The following SFI1 variants were observed in gnomAD, a reference collection of about 807,000 sequenced individuals.
The protein encoded by SFI1 is SFI1 centrin binding protein.
In SFI1, 195 loss-of-function variants were observed where a neutral mutation model predicts 207.5. The ratio of observed to expected loss-of-function variants is 0.94; its 90% CI spans 0.84 to 1.06. The LOEUF (loss-of-function observed/expected upper bound fraction) is 1.06. Ranked by LOEUF, SFI1 falls within the 50% of genes least tolerant of loss-of-function variation. The probability of loss-of-function intolerance (pLI) is 0.00; values close to 1 mark genes in which losing one functional copy is unlikely to be tolerated. For synonymous variants in SFI1, 630 were observed against 598.9 expected (o/e 1.05, Z -0.76); for missense variants, 1,634 against 1,588.0 (o/e 1.03, Z -0.49).
intron 3 of SFI1, among the ~76,000 whole-genome samples, chr22:31,530,203 A>AAAAAAAAAAAAAAAAT (rs1569227870): frequency 7.8e-6 from 1 of 127,740 alleles, no homozygotes; most frequent in African/African-American, 3.0e-5. Context: ...AAAAAAAAAA[A>AAAAAAAAAAAAAAAAT]GACAAGGCCG....
intron 21 of SFI1, 79 bp from the exon 22 acceptor site, chr22:31,607,858 A>C: frequency 7.7e-7 from 1 of 1,302,646 alleles, no homozygotes; most frequent in Non-Finnish European, 1.1e-6. Flanking sequence ...CCTCTCCAGG[A>C]GCCACCGTCA....
intron 8 of SFI1, among the ~76,000 whole-genome samples, chr22:31,565,560 G>T (rs939966784): frequency 6.6e-6 from 1 of 151,522 alleles, no homozygotes; most frequent in East Asian, 1.9e-4. Flanking sequence ...TTAGCTAGAC[G>T]TGGTGGCGCA....
chr22:31,533,762 TTAAA>T, intron 4 of SFI1, among the ~76,000 whole-genome samples: 1 of 152,324 alleles, frequency 6.6e-6, no homozygotes, highest in African/African-American at 2.4e-5. Flanking sequence ...CTTCAGTGCC[TTAAA>T]TAAATTTTTT....
intron 27 of SFI1, 126 bp downstream of exon 27, chr22:31,613,981 G>A: frequency 7.9e-7 from 1 of 1,272,924 alleles, no homozygotes; most frequent in Non-Finnish European, 1.0e-6. Context: ...CAGCTGAGCT[G>A]CTGGGAACCC....
intron 8 of SFI1, 46 bp downstream of exon 8, chr22:31,561,438 C>A: frequency 6.5e-7 from 1 of 1,533,504 alleles, no homozygotes; most frequent in Non-Finnish European, 8.9e-7. Flanking sequence ...TCAGTGTTGT[C>A]AAGCCTCTCA....
chr22:31,598,132 C>T (rs2067430609), intron 15 of SFI1, among the ~76,000 whole-genome samples: 1 of 151,670 alleles, frequency 6.6e-6, no homozygotes. Context: ...TGCCCACCAC[C>T]ACACCCGGCT....
chr22:31,577,637 G>C (rs1393978353), intron 10 of SFI1, among the ~76,000 whole-genome samples: 2 of 152,132 alleles, frequency 1.3e-5, no homozygotes, highest in Non-Finnish European at 2.9e-5. Flanking sequence ...CAAGTGCTTT[G>C]GGAGGATCGC....
chr22:31,609,066 C>T (rs756813783), intron 22 of SFI1, among the ~76,000 whole-genome samples: 7 of 151,846 alleles, frequency 4.6e-5, no homozygotes, highest in Admixed American at 1.3e-4. Context: ...GGTGCGATCT[C>T]GGCTCACTGC....
At chr22:31,533,889 A>G (rs1602270014) in intron 4 of SFI1, among the ~76,000 whole-genome samples, 1 of 152,236 alleles carries the variant, frequency 6.6e-6, no homozygotes, top group Non-Finnish European at 1.5e-5. Flanking sequence ...TTAGCTTAGA[A>G]GTTATATTCT....
chr22:31,541,341 C>T (rs1360513911), intron 4 of SFI1, among the ~76,000 whole-genome samples: 1 of 152,112 alleles, frequency 6.6e-6, no homozygotes, highest in Non-Finnish European at 1.5e-5. Context: ...TTCTCTTGGT[C>T]TTTTTAGGCT....
At chr22:31,617,607 A>C (rs1273589620) in intron 31 of SFI1, among the ~76,000 whole-genome samples, 6 of 151,926 alleles carry the variant, frequency 3.9e-5, no homozygotes, top group Non-Finnish European at 8.8e-5. Context: ...TGTAGTCCCA[A>C]CTACTTGGAA....
chr22:31,606,423 G>A lies in SFI1; in HGVS notation c.2150G>A (p.Cys717Tyr), dbSNP rs768391811. The change falls in exon 21 of 33, where the codon TGT becomes TAT. Residue 717 changes from cysteine (C) to tyrosine (Y), a missense_variant. Cys to Tyr is a radical substitution (Grantham distance 194). Coordinates refer to ENST00000400288, the MANE Select transcript of SFI1 (RefSeq NM_001007467.3). ...AGTACTCATTACAGAAGGACCATATGTTCCAAGGTGAGGTATAAGGAGGCA... is the reference window on the plus strand; with the variant it reads ...AGTACTCATTACAGAAGGACCATATATTCCAAGGTGAGGTATAAGGAGGCA... The part of the protein sequence containing the change: ...QASTHYRRTI[C>Y]SKVLVQWREA... 1 of 1,613,610 alleles carries A rather than the reference G, an allele frequency of 6.2e-7. No homozygotes were observed. Among genetic ancestry groups the A allele is most frequent in the Non-Finnish European group, 8.5e-7 (1 of 1,179,942 alleles).
intron 7 of SFI1, among the ~76,000 whole-genome samples, chr22:31,557,407 T>C (rs2148176170): frequency 6.6e-6 from 1 of 152,162 alleles, no homozygotes; most frequent in East Asian, 1.9e-4. Context: ...CAGGCTGGTC[T>C]TGAGTTCGTG....
Position 31,575,359 on chromosome 22 carries a change from G to T in SFI1, c.1051G>T (p.Ala351Ser). ...AQVEKLARKM[A>S]LRRAFTHWKH... ...GGTGGAGAAACTGGCCAGGAAGATG[G>T]CCCTGCGGCGCGCCTTTACTCACTG... Residue 351 changes from alanine to serine, a missense_variant, in exon 10 of 33, where the codon GCC becomes TCC. Physicochemically the swap from Ala to Ser is moderately conservative, Grantham distance 99. Coordinates refer to ENST00000400288, the MANE Select transcript of SFI1 (RefSeq NM_001007467.3). 1 of 1,611,766 alleles carries T rather than the reference G, an allele frequency of 6.2e-7. No homozygotes were observed. Among genetic ancestry groups the T allele is most frequent in the African/African-American group, 1.3e-5 (1 of 74,952 alleles).
chr22:31,611,209 A>T lies in SFI1; in HGVS notation c.2321A>T (p.Gln774Leu). ...CGGAGGTCAGCCCAGCAGAGACTGC[A>T]GCTGGAGAGGGCAGTGCAACACCAC... ...CSRRSAQQRL[Q>L]LERAVQHHHR... Residue 774 changes from glutamine to leucine, a missense_variant, in exon 23 of 33, where the codon CAG becomes CTG. Gln to Leu is a moderately radical substitution (Grantham distance 113, BLOSUM62 -2). Transcript: ENST00000400288. The T allele has an allele frequency of 6.2e-7, 1 of 1,614,036 alleles. No homozygotes were observed. Among genetic ancestry groups the T allele is most frequent in the Non-Finnish European group, 8.5e-7 (1 of 1,180,014 alleles).
At chr22:31,521,237 A>T in intron 2 of SFI1, 1 of 181,738 alleles carries the variant, frequency 5.5e-6, no homozygotes. Flanking sequence ...CCAATCAGAG[A>T]CTTGCGAATG....
rs944243434 is a variant in SFI1, at chr22:31,530,218, C to T, written c.267-840C>T. ...AAAAAAAAAAAGACAAGGCCGGGCG[C>T]GGTGGCTCACACCTGTAATCCCAGC... On this transcript the variant is annotated intron_variant, in intron 3 of 32. Transcript: ENST00000400288. Among the ~76,000 whole-genome samples, 386 of 99,836 alleles carry T rather than the reference C, an allele frequency of 3.9e-3. 4 individuals carry two copies. The highest frequency in any genetic ancestry group is 0.014 in the African/African-American group (370 of 26,188). The allele number at this position is 99,836 out of a possible 152,430, so 65.5% of individuals were successfully genotyped here.
chr22:31,601,216 C>T (rs1296008941), intron 15 of SFI1, among the ~76,000 whole-genome samples: 1 of 150,384 alleles, frequency 6.6e-6, no homozygotes, highest in Non-Finnish European at 1.5e-5. Context: ...CTCCGCCTCC[C>T]GGGTTCATGT....
chr22:31,547,525 G>A (rs1043986457), intron 5 of SFI1, among the ~76,000 whole-genome samples: 1 of 151,930 alleles, frequency 6.6e-6, no homozygotes, highest in African/African-American at 2.4e-5. Flanking sequence ...TGGCTGGGCT[G>A]GTCTTGAACT....
Sources: gnomAD v4.1 joint callset for allele counts (sites outside exome capture counted in the v4.1 genomes callset) on GRCh38, gnomAD v4.1.1 for gene constraint, MANE v1.5 for transcripts, NCBI Gene and HGNC (gene_info 2026-07-23, HGNC 2026-07-21) for gene names.